AGK: variants seen among roughly 807,000 people sequenced by gnomAD.
AGK encodes the protein acylglycerol kinase, mitochondrial.
Under a neutral mutation model 66.4 loss-of-function variants are expected in AGK, and 52 were observed. The observed-to-expected ratio is 0.78, with a 90% CI of 0.63 to 0.99. The LOEUF (loss-of-function observed/expected upper bound fraction) is 0.99, where lower values mean the gene tolerates loss of function less well. Ranked by LOEUF, AGK falls within the 50% of genes least tolerant of loss-of-function variation. The pLI is 0.00. For synonymous variants in AGK, 182 were observed against 181.1 expected, an observed-to-expected ratio of 1.00 and a Z score of -0.04; for missense variants, 451 against 506.6, an observed-to-expected ratio of 0.89 and a Z score of 1.05.
chr7:141,611,350 A>G, intron 6 of AGK, 63 bp downstream of exon 6: 2 of 1,210,988 alleles, frequency 1.7e-6, no homozygotes, highest in African/African-American at 1.5e-5. Context: ...TAAATCCTAG[A>G]GCAATGGTAT....
At chr7:141,578,884 T>A (rs911846708) in intron 2 of AGK, among the ~76,000 whole-genome samples, 18 of 151,948 alleles carry the variant, frequency 1.2e-4, no homozygotes, top group African/African-American at 4.1e-4. Flanking sequence ...CAGCAAAGAT[T>A]ATTTATGTAC....
intron 10 of AGK, 116 bp downstream of exon 10, chr7:141,634,096 T>C (rs1797118211): frequency 1.2e-6 from 1 of 850,056 alleles, no homozygotes; most frequent in East Asian, 2.5e-5. Context: ...GGCCTGGAGG[T>C]TGAATTATGT....
intron 2 of AGK, among the ~76,000 whole-genome samples, chr7:141,580,401 GA>G (rs1562963668): frequency 6.6e-6 from 1 of 151,948 alleles, no homozygotes; most frequent in East Asian, 1.9e-4. Flanking sequence ...GAACAGGAAA[GA>G]AGGAAATATG....
In AGK at chr7:141,653,005, A is replaced by AC. The variant is rs1491526984; in HGVS notation, c.*82dup. Reference sequence around the variant, plus strand: ...GGGAACAGGTGCCTCAGCCATCCCAACAGTGTCGTCAGAGGGTCCCCAGGG... The same window carrying AC: ...GGGAACAGGTGCCTCAGCCATCCCAACCAGTGTCGTCAGAGGGTCCCCAGGG... On this transcript the variant is annotated 3_prime_UTR_variant, in exon 16 of 16. Transcript: ENST00000649286. 1 of 1,563,580 alleles carries AC rather than the reference A, an allele frequency of 6.4e-7. No individual in the cohort carries two copies. The highest frequency in any genetic ancestry group is 8.7e-7 in the Non-Finnish European group (1 of 1,148,366).
intron 4 of AGK, chr7:141,597,374 A>G (rs1796249704): frequency 1.3e-5 from 2 of 152,300 alleles, no homozygotes; most frequent in Admixed American, 1.3e-4. Flanking sequence ...AAGGAAAAAT[A>G]AATAGGCAAA....
At chr7:141,636,186 G>T (rs1797164520) in intron 10 of AGK, among the ~76,000 whole-genome samples, 1 of 152,164 alleles carries the variant, frequency 6.6e-6, no homozygotes, top group Non-Finnish European at 1.5e-5. Flanking sequence ...GTGAAATTAT[G>T]CTGGTTTACA....
chr7:141,644,641 CAT>C (rs1387665584), intron 13 of AGK, among the ~76,000 whole-genome samples: 1 of 152,034 alleles, frequency 6.6e-6, no homozygotes, highest in African/African-American at 2.4e-5. Flanking sequence ...TATTAAAAGT[CAT>C]ATCTATTTTA....
intron 2 of AGK, among the ~76,000 whole-genome samples, chr7:141,591,793 A>T (rs2116919405): frequency 6.6e-6 from 1 of 152,340 alleles, no homozygotes; most frequent in Middle Eastern, 3.4e-3. Context: ...CTATCTTAGC[A>T]GTGCCAGCAA....
chr7:141,648,357 G>A (rs1797467875), intron 13 of AGK, among the ~76,000 whole-genome samples: 1 of 152,218 alleles, frequency 6.6e-6, no homozygotes, highest in African/African-American at 2.4e-5. Context: ...TGTAACCCAA[G>A]CTCCGTGGGT....
At chr7:141,646,033 G>A (rs889547388) in intron 13 of AGK, among the ~76,000 whole-genome samples, 4 of 152,092 alleles carry the variant, frequency 2.6e-5, no homozygotes, top group African/African-American at 4.8e-5. Context: ...ATGCTTGCCC[G>A]AGGTGACTGC....
At chr7:141,620,288 A>T (rs982673565) in intron 8 of AGK, among the ~76,000 whole-genome samples, 2 of 152,228 alleles carry the variant, frequency 1.3e-5, no homozygotes, top group Non-Finnish European at 2.9e-5. Context: ...CAAAATTTAT[A>T]AAACAGTGTA....
chr7:141,598,117 T>A lies in AGK; in HGVS notation c.221+1476T>A, dbSNP rs1236826380. ...TAGTCATTTCTTGAGAGGCAGTGAG[T>A]GTGACTTCACAGACAGGAGGACACA... On this transcript the variant is annotated intron_variant, in intron 4 of 15. Transcript: ENST00000649286. The surrounding 1 kb of genome is among the most constrained non-coding windows in gnomAD (Gnocchi z 4.2). Among the ~76,000 whole-genome samples, 3 of 152,034 alleles carry A rather than the reference T, an allele frequency of 2.0e-5. No individual in the cohort carries two copies. Among genetic ancestry groups the A allele is most frequent in the African/African-American group, 7.3e-5 (3 of 41,378 alleles).
At chr7:141,574,274 A>G (rs1795683244) in intron 2 of AGK, among the ~76,000 whole-genome samples, 2 of 152,190 alleles carry the variant, frequency 1.3e-5, no homozygotes, top group African/African-American at 4.8e-5. Flanking sequence ...AGAAGGTCAG[A>G]GAAGGATGCC....
chr7:141,590,248 G>T (rs1288300676), intron 2 of AGK, among the ~76,000 whole-genome samples: 1 of 152,094 alleles, frequency 6.6e-6, no homozygotes, highest in African/African-American at 2.4e-5. Context: ...TTTATTAATA[G>T]CCCAGAGGAG....
At chr7:141,589,337 G>C (rs752568371) in intron 2 of AGK, among the ~76,000 whole-genome samples, 9 of 152,292 alleles carry the variant, frequency 5.9e-5, no homozygotes, top group South Asian at 4.1e-4. Context: ...GTTGCTCTAT[G>C]AATTTTAAGT....
At chr7:141,609,016 T>G (rs1158892985) in intron 5 of AGK, among the ~76,000 whole-genome samples, 1 of 152,172 alleles carries the variant, frequency 6.6e-6, no homozygotes, top group Non-Finnish European at 1.5e-5. Context: ...AAGTCAAATA[T>G]TTGCGAATAT....
At position 141,598,970 on chromosome 7, in the gene AGK, C is replaced by A. The variant is rs1295127965; in HGVS notation, c.222-2235C>A. 1.3e-5 allele frequency: 2 copies of A among 152,064 alleles called. No homozygotes were observed. Among genetic ancestry groups the A allele is most frequent in the Non-Finnish European group, 2.9e-5 (2 of 67,992 alleles). 9.4% of individuals were successfully genotyped at this position (152,064 alleles called of 1,614,324 possible). A position where few individuals can be genotyped will look rare whatever the true frequency, so the allele number is the denominator to read the frequency against. The stretch of plus-strand genomic sequence containing the variant: ...ATATTTGCATTTTTAAAGGTAGATT[C>A]TTGTTTAAAACTATAACATCTTTAT... On this transcript the variant is annotated intron_variant, in intron 4 of 15. Transcript: ENST00000649286. The surrounding 1 kb of genome is among the most constrained non-coding windows in gnomAD (Gnocchi z 4.2).
chr7:141,591,566 G>A (rs190870698), intron 2 of AGK, among the ~76,000 whole-genome samples: 30 of 152,242 alleles, frequency 2.0e-4, no homozygotes, highest in Non-Finnish European at 2.6e-4. Flanking sequence ...CTTGCTTATT[G>A]TTTTTCATTC....
Position 141,555,464 on chromosome 7 carries a change from A to G in AGK, c.-3A>G. On this transcript the variant is annotated 5_prime_UTR_variant, in exon 2 of 16. Transcript: ENST00000649286. This position sits in a 1 kb window ranked among gnomAD's most constrained non-coding sequence, Gnocchi z 4.2. ...CTCTACTAACCTAGCAAATCTCTAG[A>G]AGATGACGGTGTTCTTTAAAACGCT... 2 of 1,612,462 alleles carry G rather than the reference A, an allele frequency of 1.2e-6. No individual in the cohort carries two copies. Among genetic ancestry groups the G allele is most frequent in the African/African-American group, 1.3e-5 (1 of 75,004 alleles).
Sources: gnomAD v4.1 joint callset for allele counts (sites outside exome capture counted in the v4.1 genomes callset) on GRCh38, gnomAD v4.1.1 for gene constraint, Gnocchi (gnomAD v3.1) non-coding constraint, MANE v1.5 for transcripts, NCBI Gene and HGNC (gene_info 2026-07-23, HGNC 2026-07-21) for gene names.